TNFRSF25: variants seen among roughly 807,000 people sequenced by gnomAD.
The protein encoded by TNFRSF25 is tumor necrosis factor receptor superfamily member 25.
In TNFRSF25, 28 loss-of-function variants were observed where a neutral mutation model predicts 49.4. The observed-to-expected ratio is 0.57, with a 90% confidence interval of 0.42 to 0.78. TNFRSF25 has a LOEUF of 0.78. TNFRSF25 is among the 30% of genes least tolerant of loss of function. TNFRSF25 has a pLI of 0.00. For synonymous variants in TNFRSF25, 240 were observed against 234.2 expected (o/e 1.02, Z -0.23); for missense variants, 531 against 581.6 (o/e 0.91, Z 0.90).
chr1:6,463,709 G>A (rs1454994433), intron 5 of TNFRSF25: 1 of 113,298 alleles, frequency 8.8e-6, no homozygotes, highest in Non-Finnish European at 1.6e-5. Flanking sequence ...CTGGGTGACA[G>A]AGCAAGTCTC....
rs537905325 is a variant in TNFRSF25, at chr1:6,463,094, G to A, written c.576C>T (p.Ala192=). 14 of 1,551,790 alleles carry A rather than the reference G, an allele frequency of 9.0e-6. No homozygotes were observed. The highest frequency in any genetic ancestry group is 3.9e-5 in the Admixed American group (2 of 51,016). ...STLGSCPERC[A]AVCGWRQMFW... is the part of the protein sequence containing the mutation. ...TACTCTGCCTCCAGCCACAGACAGC[G>A]GCACAGCGCTCTGGACAGCTCCCCA... The change falls in exon 6 of 10, where the codon GCC becomes GCT. Residue 192 remains alanine (A), a synonymous_variant. Coordinates refer to ENST00000356876, the MANE Select transcript of TNFRSF25 (RefSeq NM_003790.3).
chr1:6,465,963 G>T, intron 1 of TNFRSF25, 106 bp downstream of exon 1: 18 of 1,485,048 alleles, frequency 1.2e-5, no homozygotes, highest in Non-Finnish European at 1.5e-5. Context: ...GGCCAACCCA[G>T]CCCCCAGTGA....
intron 5 of TNFRSF25, chr1:6,463,590 G>A (rs1188935470): frequency 1.8e-5 from 3 of 170,238 alleles, no homozygotes; most frequent in Admixed American, 1.7e-4. Flanking sequence ...GCCGGGGGTG[G>A]TGGTGGGCTC....
chr1:6,465,852 T>G, intron 1 of TNFRSF25: 5 of 1,423,146 alleles, frequency 3.5e-6, no homozygotes, highest in Non-Finnish European at 4.6e-6. Context: ...GGAGGGACAC[T>G]GATAATGCTC....
chr1:6,461,694 C>T lies in TNFRSF25; in HGVS notation c.994G>A (p.Gly332Ser), dbSNP rs371937162. Reference protein sequence around the residue: ...AGSPAMMLQPGPQLYDVMDAV... With the variant: ...AGSPAMMLQPSPQLYDVMDAV... ...TCCATCACGTCGTAGAGCTGCGGGCCCGGCTGCAGCATCATGGCTGGCGAG... is the reference window on the plus strand; with the variant it reads ...TCCATCACGTCGTAGAGCTGCGGGCTCGGCTGCAGCATCATGGCTGGCGAG... The change falls in exon 10 of 10, where the codon GGC (glycine) becomes AGC (serine). Residue 332 changes from glycine to serine, a missense_variant. Coordinates refer to ENST00000356876, the MANE Select transcript of TNFRSF25 (RefSeq NM_003790.3). This position sits in a 1 kb window ranked among gnomAD's most constrained non-coding sequence, Gnocchi z 6.3. The T allele has an allele frequency of 1.5e-4, 233 of 1,576,464 alleles. No homozygotes were observed. The highest frequency in any genetic ancestry group is 1.9e-4 in the Non-Finnish European group (226 of 1,167,732).
Position 6,465,549 on chromosome 1 carries a change from CAGG to C in TNFRSF25, c.48_50del (p.Leu17del). 1 of 1,613,092 alleles carries C rather than the reference CAGG, an allele frequency of 6.2e-7. No individual in the cohort carries two copies. Among genetic ancestry groups the C allele is most frequent in the Non-Finnish European group, 8.5e-7 (1 of 1,179,746 alleles). The stretch of plus-strand genomic sequence containing the variant: ...CCTGGGCCCGGGCCCCCAGCAGCAC[CAGG>C]AGGAGCGCCTGGGGGACAGGTGCTG... On this transcript the variant is annotated inframe_deletion, in exon 2 of 10. Transcript: ENST00000356876.
Position 6,462,724 on chromosome 1 carries a change from C to T in TNFRSF25, c.707-58G>A. 1.9e-6 allele frequency: 3 copies of T among 1,602,336 alleles called. 1 individual carries two copies. The South Asian group carries it at 3.4e-5, about 18-fold the overall frequency. On this transcript the variant is annotated intron_variant, in intron 7 of 9. Transcript: ENST00000356876. This position sits in a 1 kb window ranked among gnomAD's most constrained non-coding sequence, Gnocchi z 4.2. ...CAGGCAAGCCTCCTGGACCTGGGTG[C>T]TGGTACAGCTCCTCTAGGGTTCCTC...
chr1:6,466,127 A>G lies in TNFRSF25; in HGVS notation c.-20T>C, dbSNP rs1477599332. On this transcript the variant is annotated 5_prime_UTR_variant, in exon 1 of 10. Coordinates refer to ENST00000356876, the MANE Select transcript of TNFRSF25 (RefSeq NM_003790.3). Reference sequence around the variant, plus strand: ...CTCCATAGCCCTCCGACGGGCGCCCAGGGGCTTCCCGGCTCCGTGCTCTCT... The same window carrying G: ...CTCCATAGCCCTCCGACGGGCGCCCGGGGGCTTCCCGGCTCCGTGCTCTCT... The G allele has an allele frequency of 1.3e-6, 2 of 1,498,854 alleles. No homozygotes were observed. The highest frequency in any genetic ancestry group is 1.8e-6 in the Non-Finnish European group (2 of 1,131,860). 92.8% of individuals were successfully genotyped at this position (1,498,854 alleles called of 1,614,324 possible). A position where few individuals can be genotyped will look rare whatever the true frequency, so the allele number is the denominator to read the frequency against.
chr1:6,462,935 C>A lies in TNFRSF25; in HGVS notation c.634G>T (p.Val212Phe), dbSNP rs376642375. 1.4e-5 allele frequency: 22 copies of A among 1,601,414 alleles called. No individual in the cohort carries two copies. Among genetic ancestry groups the A allele is most frequent in the Non-Finnish European group, 1.8e-5 (21 of 1,174,258 alleles). The change falls in exon 7 of 10, where the codon GTC becomes TTC. Residue 212 changes from valine to phenylalanine, a missense_variant. Val to Phe is a conservative substitution (Grantham distance 50). Transcript: ENST00000356876. This position sits in a 1 kb window ranked among gnomAD's most constrained non-coding sequence, Gnocchi z 4.2. ...WVQVLLAGLVVPLLLGATLTY... is the reference protein window; with the variant it reads ...WVQVLLAGLVFPLLLGATLTY... ...AGGGTGGCCCCAAGCAGGAGGGGGACCACAAGGCCAGCCAGGAGCACCTGG... is the reference window on the plus strand; with the variant it reads ...AGGGTGGCCCCAAGCAGGAGGGGGAACACAAGGCCAGCCAGGAGCACCTGG...
Position 6,466,075 on chromosome 1 carries a change from C to T in TNFRSF25, c.33G>A (p.Val11=). The stretch of plus-strand genomic sequence containing the variant: ...CTCCTGCGTCTCAACTCACCGCCGC[C>T]ACCGCCGCGCAGCCCCGCGGCCGCT... MEQRPRGCAA[V]AAALLLVLLG... The change falls in exon 1 of 10, where the codon GTG becomes GTA. Residue 11 remains valine, a synonymous_variant. Coordinates refer to ENST00000356876, the MANE Select transcript of TNFRSF25 (RefSeq NM_003790.3). 6.3e-7 allele frequency: 1 copy of T among 1,578,550 alleles called. No homozygotes were observed. The highest frequency in any genetic ancestry group is 2.5e-5 in the East Asian group (1 of 40,328).
intron 1 of TNFRSF25, 170 bp from the exon 2 acceptor site, chr1:6,465,730 C>T: frequency 1.4e-6 from 2 of 1,433,770 alleles, no homozygotes; most frequent in African/African-American, 1.4e-5. Flanking sequence ...TTCCTTCCCC[C>T]CGCGCACACA....
At chr1:6,465,361 T>G in intron 2 of TNFRSF25, 79 bp downstream of exon 2, 2 of 1,414,992 alleles carry the variant, frequency 1.4e-6, no homozygotes, top group South Asian at 1.1e-5. Flanking sequence ...CCTGCCAGCC[T>G]CCTCTTACCT....
chr1:6,461,155 TG>T lies in TNFRSF25; in HGVS notation c.*278del, dbSNP rs1418308203. The T allele has an allele frequency of 1.5e-6, 1 of 666,750 alleles. No individual in the cohort carries two copies. Among genetic ancestry groups the T allele is most frequent in the East Asian group, 3.1e-5 (1 of 32,462 alleles). 41.3% of individuals were successfully genotyped at this position (666,750 alleles called of 1,614,324 possible). A position where few individuals can be genotyped will look rare whatever the true frequency, so the allele number is the denominator to read the frequency against. On this transcript the variant is annotated 3_prime_UTR_variant, in exon 10 of 10. Coordinates refer to ENST00000356876, the MANE Select transcript of TNFRSF25 (RefSeq NM_003790.3). The surrounding 1 kb of genome is among the most constrained non-coding windows in gnomAD (Gnocchi z 6.3). ...CGCAGAAACGCCAAGAAGCCGTTTT[TG>T]TTTTGTTTTGTTTTCTTTCACAGAT...
intron 1 of TNFRSF25, chr1:6,465,810 C>T: frequency 7.0e-7 from 1 of 1,423,290 alleles, no homozygotes; most frequent in Non-Finnish European, 9.1e-7. Flanking sequence ...AATCCAGCAG[C>T]GCCCCCACCC....
rs533825449 is a variant in TNFRSF25, at chr1:6,461,924, T to C, written c.925+70A>G. On this transcript the variant is annotated intron_variant, in intron 9 of 9. Transcript: ENST00000356876. The surrounding 1 kb of genome is among the most constrained non-coding windows in gnomAD (Gnocchi z 6.3). ...GTTAGGGGGCAGAAAGGGAACACGTTGTGAAACCACAACTTCCCACCGCAG... is the reference window on the plus strand; with the variant it reads ...GTTAGGGGGCAGAAAGGGAACACGTCGTGAAACCACAACTTCCCACCGCAG... 3.3e-6 allele frequency: 5 copies of C among 1,534,366 alleles called. No individual in the cohort carries two copies. In the African/African-American group the frequency reaches 6.9e-5, roughly 21 times the overall value.
In TNFRSF25 at chr1:6,462,070, A is replaced by C. The variant is rs1644192019; in HGVS notation, c.849T>G (p.Pro283=). 1 of 1,613,676 alleles carries C rather than the reference A, an allele frequency of 6.2e-7. No homozygotes were observed. Among genetic ancestry groups the C allele is most frequent in the Admixed American group, 1.7e-5 (1 of 59,976 alleles). ...TVQLVGNSWT[P]GYPETQEALC... ...GCGCCTCCTGGGTCTCGGGGTAGCC[A>C]GGGGTCCAGCTGTTACCCACCAACT... is the stretch of plus-strand genomic sequence containing the variant. The change falls in exon 9 of 10, where the codon CCT becomes CCG. Residue 283 remains proline (P), a synonymous_variant. Coordinates refer to ENST00000356876, the MANE Select transcript of TNFRSF25 (RefSeq NM_003790.3). This position sits in a 1 kb window ranked among gnomAD's most constrained non-coding sequence, Gnocchi z 4.2.
chr1:6,461,305 G>A lies in TNFRSF25; in HGVS notation c.*129C>T. 2 of 1,219,610 alleles carry A rather than the reference G, an allele frequency of 1.6e-6. No individual in the cohort carries two copies. Among genetic ancestry groups the A allele is most frequent in the South Asian group, 1.3e-5 (1 of 75,644 alleles). The allele number at this position is 1,219,610 out of a possible 1,614,324, so 75.5% of individuals were successfully genotyped here. A position where few individuals can be genotyped will look rare whatever the true frequency, so the allele number is the denominator to read the frequency against. ...ATAGGGGCGAGCAGGGGTGGGGCCG[G>A]CTGGTGCTGCTACGCAGGGCCGTGC... On this transcript the variant is annotated 3_prime_UTR_variant, in exon 10 of 10. Transcript: ENST00000356876. The surrounding 1 kb of genome is among the most constrained non-coding windows in gnomAD (Gnocchi z 6.3).
Position 6,462,025 on chromosome 1 carries a change from C to G in TNFRSF25, c.894G>C (p.Trp298Cys). The G allele has an allele frequency of 6.2e-7, 1 of 1,612,616 alleles. No individual in the cohort carries two copies. The highest frequency in any genetic ancestry group is 1.7e-5 in the Admixed American group (1 of 59,780). ...CTCTGCTGGGCAACTGGTCCCAGGA[C>G]CATGTCACCTGCGGGCAGAGCGCCT... ...TQEALCPQVT[W>C]SWDQLPSRAL... The change falls in exon 9 of 10, where the codon TGG becomes TGC. Residue 298 changes from tryptophan to cysteine, a missense_variant. Physicochemically the swap from Trp to Cys is radical, Grantham distance 215. Transcript: ENST00000356876. The surrounding 1 kb of genome is among the most constrained non-coding windows in gnomAD (Gnocchi z 4.2).
In TNFRSF25 at chr1:6,461,847, G is replaced by C; in HGVS notation, c.926-85C>G. On this transcript the variant is annotated intron_variant, in intron 9 of 9. Transcript: ENST00000356876. This position sits in a 1 kb window ranked among gnomAD's most constrained non-coding sequence, Gnocchi z 6.3. ...CAGGGGCGTTCGTGCGGGTACCCCA[G>C]GGCTGAAGCCCGCTGGATCCGGTGG... The C allele has an allele frequency of 6.9e-7, 1 of 1,454,462 alleles. No individual in the cohort carries two copies. 90.1% of individuals were successfully genotyped at this position (1,454,462 alleles called of 1,614,324 possible).
Sources: allele counts gnomAD v4.1 joint callset, GRCh38; gene constraint gnomAD v4.1.1; non-coding constraint Gnocchi (gnomAD v3.1); transcripts MANE v1.5; gene names NCBI Gene and HGNC (gene_info 2026-07-23, HGNC 2026-07-21).